PIK3R3: variants seen among roughly 807,000 people sequenced by gnomAD.
The protein encoded by PIK3R3 is phosphoinositide-3-kinase regulatory subunit 3.
PIK3R3 carries 64 observed loss-of-function variants against 62.9 expected under a neutral mutation model. The ratio of observed to expected loss-of-function variants is 1.02; its 90% CI spans 0.83 to 1.25. The LOEUF (loss-of-function observed/expected upper bound fraction) is 1.25, where lower values mean the gene tolerates loss of function less well. Ranked by LOEUF, PIK3R3 falls within the 50% of genes most tolerant of loss-of-function variation. PIK3R3 has a pLI of 0.00. For synonymous variants in PIK3R3, 165 were observed against 189.0 expected, an observed-to-expected ratio of 0.87 and a Z score of 1.04; for missense variants, 614 against 561.6, an observed-to-expected ratio of 1.09 and a Z score of -0.94.
In PIK3R3 at chr1:46,042,012, A is replaced by G; in HGVS notation, c.*1661T>C. The G allele has an allele frequency of 4.5e-6, 1 of 222,340 alleles. No individual in the cohort carries two copies. Among genetic ancestry groups the G allele is most frequent in the Non-Finnish European group, 9.0e-6 (1 of 111,092 alleles). The allele number at this position is 222,340 out of a possible 1,614,324, so 13.8% of individuals were successfully genotyped here. A position where few individuals can be genotyped will look rare whatever the true frequency, so the allele number is the denominator to read the frequency against. On this transcript the variant is annotated 3_prime_UTR_variant, in exon 10 of 10. Coordinates refer to ENST00000262741, the MANE Select transcript of PIK3R3 (RefSeq NM_003629.4). The surrounding 1 kb of genome is among the most constrained non-coding windows in gnomAD (Gnocchi z 4.3). ...GAGCTTTCCTAGCTGTAAGCCTTAT[A>G]AACCAAGATGCAGGTACTGGCTTCT...
chr1:46,159,091 A>G, the PIK3R3 span, among the ~76,000 whole-genome samples: 1 of 109,722 alleles, frequency 9.1e-6, no homozygotes, highest in African/African-American at 2.8e-5. Context: ...CATCTCAAAA[A>G]TAAATAAATA....
At chr1:46,092,976 T>C (rs1004890081) in intron 1 of PIK3R3, among the ~76,000 whole-genome samples, 16 of 152,198 alleles carry the variant, frequency 1.1e-4, no homozygotes, top group Non-Finnish European at 1.8e-4. Context: ...TCATCTTCAA[T>C]TGGTTTCACC....
chr1:46,142,886 G>A, the PIK3R3 span, among the ~76,000 whole-genome samples: 1 of 152,098 alleles, frequency 6.6e-6, no homozygotes, highest in African/African-American at 2.4e-5. Context: ...GAGGAGTGTT[G>A]TGATGAGATT....
chr1:46,129,815 ATAAC>A (rs1422400664), intron 1 of PIK3R3, among the ~76,000 whole-genome samples: 1 of 152,248 alleles, frequency 6.6e-6, no homozygotes, highest in East Asian at 1.9e-4. Flanking sequence ...GCTGTTAGGA[ATAAC>A]TAACCATATT....
At chr1:46,133,566 C>T (rs1655804882), upstream of PIK3R3, among the ~76,000 whole-genome samples, 1 of 152,136 alleles carries the variant, frequency 6.6e-6, no homozygotes, top group African/African-American at 2.4e-5. Context: ...AGCAATGGTC[C>T]CCAAACCCAC....
intron 1 of PIK3R3, among the ~76,000 whole-genome samples, chr1:46,125,668 G>C (rs1655026137): frequency 6.6e-6 from 1 of 152,098 alleles, no homozygotes; most frequent in Non-Finnish European, 1.5e-5. Flanking sequence ...TTTGTGTCTG[G>C]CTTCAAAGTC....
At chr1:46,139,481 A>G in the PIK3R3 span, among the ~76,000 whole-genome samples, 2 of 151,440 alleles carry the variant, frequency 1.3e-5, no homozygotes, top group South Asian at 2.1e-4. Flanking sequence ...AATTTTTTCT[A>G]TTTTTAGTAG....
chr1:46,070,765 T>G (rs933181386), intron 3 of PIK3R3, among the ~76,000 whole-genome samples: 2 of 152,134 alleles, frequency 1.3e-5, no homozygotes, highest in Non-Finnish European at 2.9e-5. Context: ...TAAGGATATA[T>G]TCACATGGGT....
At chr1:46,131,330 A>G (rs529214415) in intron 1 of PIK3R3, among the ~76,000 whole-genome samples, 1 of 152,292 alleles carries the variant, frequency 6.6e-6, no homozygotes, top group Non-Finnish European at 1.5e-5. Flanking sequence ...CAAGAGAAAA[A>G]GGGAGTCTTA....
At chr1:46,081,336 C>T (rs1307238573) in intron 1 of PIK3R3, among the ~76,000 whole-genome samples, 2 of 152,098 alleles carry the variant, frequency 1.3e-5, no homozygotes, top group Non-Finnish European at 1.5e-5. Flanking sequence ...AGCTCTGTCC[C>T]GAGACAGAGA....
At chr1:46,130,714 C>T (rs889631704) in intron 1 of PIK3R3, among the ~76,000 whole-genome samples, 5 of 152,168 alleles carry the variant, frequency 3.3e-5, no homozygotes, top group Non-Finnish European at 7.3e-5. Context: ...AACGAGGTTC[C>T]CCAATGACAC....
At chr1:46,174,199 T>G in the PIK3R3 span, among the ~76,000 whole-genome samples, 1 of 152,216 alleles carries the variant, frequency 6.6e-6, no homozygotes, top group African/African-American at 2.4e-5. Context: ...ATGAGTTCAC[T>G]TATATTTACA....
chr1:46,067,538 T>C (rs905447351), intron 3 of PIK3R3, among the ~76,000 whole-genome samples: 5 of 151,946 alleles, frequency 3.3e-5, no homozygotes, highest in African/African-American at 9.7e-5. Context: ...GCAGAAGCCA[T>C]CTCTATATGA....
intron 7 of PIK3R3, among the ~76,000 whole-genome samples, chr1:46,051,644 C>CA (rs1280328422): frequency 6.6e-6 from 1 of 151,952 alleles, no homozygotes; most frequent in Non-Finnish European, 1.5e-5. Flanking sequence ...GAATATGCAT[C>CA]AAAAAACCCA....
chr1:46,083,922 T>C (rs906543911), intron 1 of PIK3R3, among the ~76,000 whole-genome samples: 1 of 152,132 alleles, frequency 6.6e-6, no homozygotes, highest in African/African-American at 2.4e-5. Flanking sequence ...CTCTTACATA[T>C]ACCCAAGAAA....
chr1:46,167,507 TTGTG>T, the PIK3R3 span, among the ~76,000 whole-genome samples: 7 of 151,968 alleles, frequency 4.6e-5, no homozygotes, highest in African/African-American at 1.2e-4. Flanking sequence ...GGTAAAGGCT[TTGTG>T]TGTATGTGTG....
the PIK3R3 span, among the ~76,000 whole-genome samples, chr1:46,159,276 A>C: frequency 6.6e-6 from 1 of 152,108 alleles, no homozygotes; most frequent in East Asian, 1.9e-4. Flanking sequence ...TATAAATTCC[A>C]TGGTCACACA....
At chr1:46,063,228 A>C (rs1209594584) in intron 5 of PIK3R3, among the ~76,000 whole-genome samples, 1 of 152,242 alleles carries the variant, frequency 6.6e-6, no homozygotes, top group Non-Finnish European at 1.5e-5. Flanking sequence ...AAAATACAGC[A>C]CTGCACAAAG....
chr1:46,082,556 G>A (rs1650697403), intron 1 of PIK3R3, among the ~76,000 whole-genome samples: 1 of 152,294 alleles, frequency 6.6e-6, no homozygotes, highest in Non-Finnish European at 1.5e-5. Flanking sequence ...TTGTGCTTCT[G>A]TAGGAAAATG....
Sources: gnomAD v4.1 joint callset for allele counts (sites outside exome capture counted in the v4.1 genomes callset) on GRCh38, gnomAD v4.1.1 for gene constraint, Gnocchi (gnomAD v3.1) non-coding constraint, MANE v1.5 for transcripts, NCBI Gene and HGNC (gene_info 2026-07-23, HGNC 2026-07-21) for gene names.